The following RNF20 variants were observed in gnomAD, a reference collection of about 807,000 sequenced individuals.
RNF20 encodes E3 ubiquitin-protein ligase BRE1A.
A neutral mutation model predicts 126.2 loss-of-function variants in RNF20; 84 were observed. The observed-to-expected ratio is 0.67, with a 90% confidence interval of 0.56 to 0.80. The LOEUF (loss-of-function observed/expected upper bound fraction) is 0.80. Among genes scored for constraint, RNF20 ranks in the 30% least tolerant of loss-of-function variants. The pLI, the probability that RNF20 is intolerant of heterozygous loss-of-function variation, is 0.00. For missense variants in RNF20, 869 were observed against 1,188.2 expected (o/e 0.73, Z 3.95); for synonymous variants, 400 against 414.3 (o/e 0.97, Z 0.42).
In RNF20 at chr9:101,560,936, AT is replaced by A; in HGVS notation, c.2508+12del. ...GATGAATAAACGCAAGGTATGATTG[AT>A]TAATCTAATGATGGTTAGTCTCAGT... is the stretch of plus-strand genomic sequence containing the variant. On this transcript the variant is annotated intron_variant, in intron 17 of 19. Coordinates refer to ENST00000389120, the MANE Select transcript of RNF20 (RefSeq NM_019592.7). 4 of 1,608,406 alleles carry A rather than the reference AT, an allele frequency of 2.5e-6. No homozygotes were observed. Among genetic ancestry groups the A allele is most frequent in the Non-Finnish European group, 3.4e-6 (4 of 1,178,138 alleles).
At chr9:101,546,216 T>A (rs1827345727) in intron 6 of RNF20, among the ~76,000 whole-genome samples, 1 of 152,208 alleles carries the variant, frequency 6.6e-6, no homozygotes, top group African/African-American at 2.4e-5. Context: ...TATAGATTAA[T>A]GTGAACTTGT....
chr9:101,551,467 A>G (rs1216285451), intron 10 of RNF20, among the ~76,000 whole-genome samples: 5 of 152,152 alleles, frequency 3.3e-5, no homozygotes, highest in Admixed American at 6.5e-5. Context: ...ATACTGTTTT[A>G]TAGTTTAGTT....
At chr9:101,544,235 C>G (rs1256588190) in intron 5 of RNF20, among the ~76,000 whole-genome samples, 1 of 152,180 alleles carries the variant, frequency 6.6e-6, no homozygotes, top group Non-Finnish European at 1.5e-5. Context: ...GTGCCCCTAA[C>G]ATAGTATTTC....
At chr9:101,543,343 T>A in intron 5 of RNF20, among the ~76,000 whole-genome samples, 1 of 122,954 alleles carries the variant, frequency 8.1e-6, no homozygotes, top group Middle Eastern at 6.0e-3. Flanking sequence ...GTCTAACCCT[T>A]CCAGGGCGGC....
intron 2 of RNF20, among the ~76,000 whole-genome samples, chr9:101,538,273 C>A (rs1459923360): frequency 6.6e-6 from 1 of 151,914 alleles, no homozygotes; most frequent in African/African-American, 2.4e-5. Flanking sequence ...CTTGATGATT[C>A]AAGTATAGGA....
At chr9:101,552,919 G>A (rs964228811) in intron 13 of RNF20, among the ~76,000 whole-genome samples, 166 bp downstream of exon 13, 9 of 152,176 alleles carry the variant, frequency 5.9e-5, no homozygotes, top group Non-Finnish European at 1.3e-4. Flanking sequence ...AAAATGGCTT[G>A]CATGGCTATT....
At position 101,554,706 on chromosome 9, in the gene RNF20, A is replaced by G; in HGVS notation, c.2032A>G (p.Arg678Gly). ...TTTCCTCTTATAGTTGGAAGATCTAAGGCAAAGACTCAAGGATCTGGAAGA... is the reference window on the plus strand; with the variant it reads ...TTTCCTCTTATAGTTGGAAGATCTAGGGCAAAGACTCAAGGATCTGGAAGA... ...KKSKAELEDLRQRLKDLEDKE... is the reference protein window; with the variant it reads ...KKSKAELEDLGQRLKDLEDKE... Residue 678 changes from arginine (R) to glycine (G), a missense_variant, in exon 15 of 20, where the codon AGG becomes GGG. Arg to Gly is a moderately radical substitution (Grantham distance 125). This residue lies in a region of RNF20 where 231 missense variants were observed against 263.6 expected (regional missense o/e 0.88). Transcript: ENST00000389120. The G allele has an allele frequency of 1.2e-6, 2 of 1,611,202 alleles. No homozygotes were observed. The highest frequency in any genetic ancestry group is 1.7e-6 in the Non-Finnish European group (2 of 1,178,244).
chr9:101,557,958 G>T (rs79887582), intron 16 of RNF20, among the ~76,000 whole-genome samples: 6,732 of 151,478 alleles, frequency 0.044, 195 homozygotes, highest in South Asian at 0.083. Flanking sequence ...GTTACTTCTG[G>T]ATATTGGGAT....
At chr9:101,551,156 A>T (rs992887929) in intron 10 of RNF20, among the ~76,000 whole-genome samples, 1 of 152,172 alleles carries the variant, frequency 6.6e-6, no homozygotes, top group African/African-American at 2.4e-5. Flanking sequence ...AAAGTAGGAG[A>T]AGAAGAATTC....
At chr9:101,560,727 A>G (rs1391264388) in intron 16 of RNF20, 74 bp from the exon 17 acceptor site, 2 of 1,426,572 alleles carry the variant, frequency 1.4e-6, no homozygotes, top group African/African-American at 1.5e-5. Flanking sequence ...TTGTGGGCTT[A>G]TAGATTAACA....
At chr9:101,559,088 A>G (rs950086742) in intron 16 of RNF20, among the ~76,000 whole-genome samples, 2 of 152,090 alleles carry the variant, frequency 1.3e-5, no homozygotes, top group African/African-American at 2.4e-5. Flanking sequence ...AGGGTGAGAG[A>G]TGAGGATCTA....
intron 11 of RNF20, 98 bp from the exon 12 acceptor site, chr9:101,552,043 C>T (rs543950154): frequency 6.8e-7 from 1 of 1,472,090 alleles, no homozygotes; most frequent in East Asian, 2.3e-5. Flanking sequence ...GGTAATTCTC[C>T]CTATTTCTCA....
intron 2 of RNF20, among the ~76,000 whole-genome samples, chr9:101,537,815 G>A (rs1279990922): frequency 2.0e-5 from 3 of 152,188 alleles, no homozygotes; most frequent in Non-Finnish European, 4.4e-5. Context: ...GAGGACTGAG[G>A]TGTTATATTT....
chr9:101,547,270 G>T (rs945395409), intron 8 of RNF20, 56 bp downstream of exon 8: 2 of 1,601,568 alleles, frequency 1.2e-6, no homozygotes, highest in African/African-American at 1.3e-5. Context: ...TCATGCTTAG[G>T]TACTTAGGAC....
intron 5 of RNF20, 63 bp from the exon 6 acceptor site, chr9:101,544,704 C>CT: frequency 9.6e-7 from 1 of 1,041,072 alleles, no homozygotes; most frequent in Non-Finnish European, 1.5e-6. Context: ...AAGACTCCGT[C>CT]TTAAAAAAAA....
At chr9:101,545,216 G>A (rs952736655) in intron 6 of RNF20, among the ~76,000 whole-genome samples, 5 of 152,178 alleles carry the variant, frequency 3.3e-5, no homozygotes, top group African/African-American at 7.2e-5. Context: ...ACCATGCCAA[G>A]ATTTGGACAT....
chr9:101,536,186 T>G (rs1185722381), intron 2 of RNF20, among the ~76,000 whole-genome samples: 1 of 152,238 alleles, frequency 6.6e-6, no homozygotes, highest in East Asian at 1.9e-4. Context: ...ATATTATCCT[T>G]GCTCTTATGG....
At chr9:101,541,095 A>G in intron 5 of RNF20, 120 bp downstream of exon 5, 11 of 722,040 alleles carry the variant, frequency 1.5e-5, no homozygotes, top group Non-Finnish European at 2.0e-5. Flanking sequence ...TTTACTTTTT[A>G]AGAGATAAGG....
intron 9 of RNF20, 145 bp from the exon 10 acceptor site, chr9:101,550,461 C>A: frequency 2.9e-6 from 2 of 692,984 alleles, no homozygotes; most frequent in Non-Finnish European, 5.0e-6. Flanking sequence ...TTTTACATAA[C>A]TACAGCAATG....
Sources: gnomAD v4.1 joint callset for allele counts (sites outside exome capture counted in the v4.1 genomes callset) on GRCh38, gnomAD v4.1.1 for gene constraint, gnomAD v4.1.1 regional missense constraint, MANE v1.5 for transcripts, NCBI Gene and HGNC (gene_info 2026-07-23, HGNC 2026-07-21) for gene names.